Variants in TIMM50 observed in about 807,000 individuals in gnomAD.
The protein encoded by TIMM50 is translocase of inner mitochondrial membrane 50.
In TIMM50, 34 loss-of-function variants were observed where a neutral mutation model predicts 49.6. That is an observed-to-expected ratio of 0.69 (90% CI 0.52 to 0.91). The LOEUF (loss-of-function observed/expected upper bound fraction) is 0.91. TIMM50 is among the 40% of genes least tolerant of loss of function. The pLI is 0.00. For synonymous variants in TIMM50, 199 were observed against 198.4 expected (o/e 1.00, Z -0.03); for missense variants, 458 against 477.8 (o/e 0.96, Z 0.39).
rs1366620204 is a variant in TIMM50 at position 39,482,866 on chromosome 19, A to T, written c.260-19A>T. ...GACTGGGCCCTAATTCCTCATATTC[A>T]TCCTGGTCTCCCTTGCAGGAAACAA... On this transcript the variant is annotated intron_variant, in intron 2 of 10. Coordinates refer to ENST00000607714, the MANE Select transcript of TIMM50 (RefSeq NM_001001563.5). 1 of 1,613,654 alleles carries T rather than the reference A, an allele frequency of 6.2e-7. No homozygotes were observed. The highest frequency in any genetic ancestry group is 2.2e-5 in the East Asian group (1 of 44,848).
chr19:39,481,118 C>A, intron 1 of TIMM50, 157 bp downstream of exon 1: 1 of 983,724 alleles, frequency 1.0e-6, no homozygotes, highest in Non-Finnish European at 1.4e-6. Context: ...TGGGTGGTTG[C>A]TCCCCTAGGC....
At chr19:39,488,920 G>T (rs1359574170) in intron 10 of TIMM50, among the ~76,000 whole-genome samples, 1 of 152,144 alleles carries the variant, frequency 6.6e-6, no homozygotes, top group Non-Finnish European at 1.5e-5. Context: ...TGATGGTCTT[G>T]AGTAGGTCTG....
intron 1 of TIMM50, chr19:39,481,401 C>T (rs1467106490): frequency 4.1e-6 from 1 of 245,122 alleles, no homozygotes; most frequent in Non-Finnish European, 7.9e-6. Flanking sequence ...CACTTCTGTG[C>T]CTTAGTTCCC....
At chr19:39,488,314 G>GCT in intron 9 of TIMM50, 97 bp downstream of exon 9, 1 of 1,437,572 alleles carries the variant, frequency 7.0e-7, no homozygotes, top group Non-Finnish European at 9.5e-7. Flanking sequence ...CGACTGAGGT[G>GCT]CAAGAGGTGC....
chr19:39,483,998 C>T (rs1465040327), intron 4 of TIMM50, among the ~76,000 whole-genome samples: 2 of 151,976 alleles, frequency 1.3e-5, no homozygotes, highest in East Asian at 1.9e-4. Flanking sequence ...GGAGTACAGG[C>T]GCACACCACC....
In TIMM50 at chr19:39,480,880, G is replaced by C. The variant is rs757925955; in HGVS notation, c.27G>C (p.Ser9=). 2 of 1,599,654 alleles carry C rather than the reference G, an allele frequency of 1.3e-6. No homozygotes were observed. Among genetic ancestry groups the C allele is most frequent in the African/African-American group, 2.7e-5 (2 of 74,780 alleles). Residue 9 remains serine (S), a synonymous_variant, in exon 1 of 11, where the codon TCG becomes TCC. Transcript: ENST00000607714. The stretch of plus-strand genomic sequence containing the variant: ...TGGCGGCCTCGGCAGCGGTGTTCTC[G>C]CGCTTGCGAAGCGGGCTCCGGCTCG... The part of the protein sequence containing the change: MAASAAVF[S]RLRSGLRLGS...
chr19:39,483,253 T>A, intron 4 of TIMM50, 97 bp downstream of exon 4: 1 of 1,517,786 alleles, frequency 6.6e-7, no homozygotes, highest in Non-Finnish European at 9.1e-7. Context: ...CGGCCCCTCC[T>A]CCTTCCACTG....
chr19:39,482,832 G>T, intron 2 of TIMM50, 53 bp from the exon 3 acceptor site: 1 of 1,612,786 alleles, frequency 6.2e-7, no homozygotes, highest in South Asian at 1.1e-5. Context: ...CCTCCCTCGG[G>T]ACCCAGGGGA....
At position 39,485,709 on chromosome 19, in the gene TIMM50, C is replaced by T. The variant is rs2079500342; in HGVS notation, c.394C>T (p.Pro132Ser). The T allele has an allele frequency of 6.2e-7, 1 of 1,614,142 alleles. No homozygotes were observed. Among genetic ancestry groups the T allele is most frequent in the South Asian group, 1.1e-5 (1 of 91,086 alleles). Reference protein sequence around the residue: ...YRQMIIEPTSPCLLPDPLQEP... With the variant: ...YRQMIIEPTSSCLLPDPLQEP... Reference sequence around the variant, plus strand: ...ACAGATGATCATCGAGCCCACCAGCCCTTGCCTTCTCCCAGACCCTCTGCA... The same window carrying T: ...ACAGATGATCATCGAGCCCACCAGCTCTTGCCTTCTCCCAGACCCTCTGCA... The change falls in exon 6 of 11, where the codon CCT (proline) becomes TCT (serine). Residue 132 changes from proline to serine, a missense_variant. Physicochemically the swap from Pro to Ser is moderately conservative, Grantham distance 74. Transcript: ENST00000607714.
intron 2 of TIMM50, among the ~76,000 whole-genome samples, chr19:39,482,555 G>A (rs2079479545): frequency 6.6e-6 from 1 of 151,984 alleles, no homozygotes; most frequent in African/African-American, 2.4e-5. Context: ...AGCTACTCGG[G>A]AGGCTGAGGC....
At position 39,493,588 on chromosome 19, in the gene TIMM50, A is replaced by C. The variant is rs2079562224; in HGVS notation, c.*3768A>C. ...CCTTAACTGAGTGATTAACCCTGCA[A>C]ATTTCCTTCTCCTGGCTCAGAAGCA... On this transcript the variant is annotated 3_prime_UTR_variant, in exon 11 of 11. Transcript: ENST00000607714. The C allele has an allele frequency of 6.6e-6, 1 of 151,978 alleles. No individual in the cohort carries two copies. The highest frequency in any genetic ancestry group is 2.1e-4 in the South Asian group (1 of 4,808). The allele number at this position is 151,978 out of a possible 1,614,324, so 9.4% of individuals were successfully genotyped here. A position where few individuals can be genotyped will look rare whatever the true frequency, so the allele number is the denominator to read the frequency against.
chr19:39,489,361 G>C (rs548012228), intron 10 of TIMM50, among the ~76,000 whole-genome samples: 52 of 152,134 alleles, frequency 3.4e-4, no homozygotes, highest in Non-Finnish European at 6.8e-4. Flanking sequence ...AGGCTCAGGG[G>C]AGGGGTCCCT....
At position 39,480,871 on chromosome 19, in the gene TIMM50, G is replaced by T. The variant is rs367769238; in HGVS notation, c.18G>T (p.Ala6=). 1 of 1,599,908 alleles carries T rather than the reference G, an allele frequency of 6.3e-7. No homozygotes were observed. Among genetic ancestry groups the T allele is most frequent in the Non-Finnish European group, 8.5e-7 (1 of 1,175,658 alleles). The change falls in exon 1 of 11, where the codon GCG becomes GCT. Residue 6 remains alanine, a synonymous_variant. Transcript: ENST00000607714. The part of the protein sequence containing the change: MAASA[A]VFSRLRSGLR... Reference sequence around the variant, plus strand: ...AGCGCAAGATGGCGGCCTCGGCAGCGGTGTTCTCGCGCTTGCGAAGCGGGC... The same window carrying T: ...AGCGCAAGATGGCGGCCTCGGCAGCTGTGTTCTCGCGCTTGCGAAGCGGGC...
In TIMM50 at chr19:39,489,724, G is replaced by T; in HGVS notation, c.966G>T (p.Glu322Asp). 6.2e-7 allele frequency: 1 copy of T among 1,606,100 alleles called. No individual in the cohort carries two copies. Among genetic ancestry groups the T allele is most frequent in the African/African-American group, 1.3e-5 (1 of 74,964 alleles). The change falls in exon 11 of 11, where the codon GAG (glutamate) becomes GAT (aspartate). Residue 322 changes from glutamate (E) to aspartate (D), a missense_variant. Glu to Asp is a conservative substitution (Grantham distance 45, BLOSUM62 2). Transcript: ENST00000607714. ...KQRQSRLEQE[E>D]QQRLAELSKS... Reference sequence around the variant, plus strand: ...CAACTGTCCCCCTACCCCAGGAGGAGCAGCAGCGCCTGGCCGAGCTCTCCA... The same window carrying T: ...CAACTGTCCCCCTACCCCAGGAGGATCAGCAGCGCCTGGCCGAGCTCTCCA...
intron 9 of TIMM50, 69 bp downstream of exon 9, chr19:39,488,286 G>A: frequency 2.6e-6 from 4 of 1,545,304 alleles, no homozygotes; most frequent in Non-Finnish European, 3.5e-6. Context: ...AAGGATAAAT[G>A]CATGATTCAT....
At chr19:39,488,327 G>C in intron 9 of TIMM50, 110 bp downstream of exon 9, 6 of 1,299,572 alleles carry the variant, frequency 4.6e-6, no homozygotes, top group Non-Finnish European at 6.4e-6. Flanking sequence ...AGAGGTGCCT[G>C]AGCACCTTGG....
intron 1 of TIMM50, 100 bp downstream of exon 1, chr19:39,481,061 G>A (rs1177576197): frequency 8.0e-6 from 11 of 1,381,306 alleles, no homozygotes; most frequent in Non-Finnish European, 9.5e-6. Context: ...TCACCTCAGG[G>A]TGCTGAATGA....
Position 39,488,223 on chromosome 19 carries a change from G to A in TIMM50, c.853+6G>A. The A allele has an allele frequency of 4.4e-6, 7 of 1,608,820 alleles. No homozygotes were observed. Among genetic ancestry groups the A allele is most frequent in the Non-Finnish European group, 5.1e-6 (6 of 1,175,892 alleles). On this transcript the variant is annotated splice_donor_region_variant and intron_variant, in intron 9 of 10. Transcript: ENST00000607714. ...TCTGTCTGCCTTCCTCAAGAGTAAGGCTGACCCCTGATCCCTTGGCCTCTG... is the reference window on the plus strand; with the variant it reads ...TCTGTCTGCCTTCCTCAAGAGTAAGACTGACCCCTGATCCCTTGGCCTCTG...
chr19:39,482,896 G>T lies in TIMM50; in HGVS notation c.271G>T (p.Val91Leu). 6.2e-7 allele frequency: 1 copy of T among 1,614,100 alleles called. No homozygotes were observed. Among genetic ancestry groups the T allele is most frequent in the Non-Finnish European group, 8.5e-7 (1 of 1,179,990 alleles). Reference sequence around the variant, plus strand: ...GGTCTCCCTTGCAGGAAACAACCCGGTGGACGAAAATGGTGCCAAGGTGAG... The same window carrying T: ...GGTCTCCCTTGCAGGAAACAACCCGTTGGACGAAAATGGTGCCAAGGTGAG... ...SVVYIFGNNP[V>L]DENGAKIPDE... The change falls in exon 3 of 11, where the codon GTG (valine) becomes TTG (leucine). Residue 91 changes from valine (V) to leucine (L), a missense_variant. Physicochemically the swap from Val to Leu is conservative, Grantham distance 32. Transcript: ENST00000607714.
Sources: gnomAD v4.1 joint callset for allele counts (sites outside exome capture counted in the v4.1 genomes callset) on GRCh38, gnomAD v4.1.1 for gene constraint, MANE v1.5 for transcripts, NCBI Gene and HGNC (gene_info 2026-07-23, HGNC 2026-07-21) for gene names.